CCNI: variants seen among roughly 807,000 people sequenced by gnomAD.
CCNI encodes cyclin I.
CCNI carries 14 observed loss-of-function variants against 34.1 expected under a neutral mutation model. The observed-to-expected ratio is 0.41, with a 90% CI of 0.27 to 0.64. The LOEUF (loss-of-function observed/expected upper bound fraction) is 0.64. CCNI is among the 30% of genes least tolerant of loss of function. The pLI is 0.31. For missense variants in CCNI, 385 were observed against 440.5 expected, an observed-to-expected ratio of 0.87 and a Z score of 1.13; for synonymous variants, 154 against 158.4, an observed-to-expected ratio of 0.97 and a Z score of 0.21.
chr4:77,075,419 C>A, intron 1 of CCNI, 53 bp downstream of exon 1: 3 of 807,636 alleles, frequency 3.7e-6, no homozygotes, highest in Non-Finnish European at 4.5e-6. Context: ...CCCAGCGCGT[C>A]GACGCCGGCC....
intron 1 of CCNI, among the ~76,000 whole-genome samples, chr4:77,071,510 G>C (rs1439096998): frequency 6.6e-6 from 1 of 152,126 alleles, no homozygotes; most frequent in Non-Finnish European, 1.5e-5. Flanking sequence ...TATTAGAATG[G>C]AAATTAATGA....
chr4:77,049,819 T>C (rs1727709891), intron 6 of CCNI, among the ~76,000 whole-genome samples: 1 of 152,222 alleles, frequency 6.6e-6, no homozygotes, highest in African/African-American at 2.4e-5. Flanking sequence ...CATCTTTTTA[T>C]CCCTAAGTTT....
intron 3 of CCNI, among the ~76,000 whole-genome samples, chr4:77,057,366 T>G (rs1728316378): frequency 1.3e-5 from 2 of 152,226 alleles, no homozygotes; most frequent in African/African-American, 4.8e-5. Context: ...AATTAGAGAA[T>G]TTTGCCAAAT....
At chr4:77,070,565 T>C (rs947164308) in intron 1 of CCNI, among the ~76,000 whole-genome samples, 1 of 151,834 alleles carries the variant, frequency 6.6e-6, no homozygotes, top group African/African-American at 2.4e-5. Context: ...TTATATTCTA[T>C]CCCTGTTGCA....
chr4:77,053,401 A>G (rs1376538668), intron 6 of CCNI, among the ~76,000 whole-genome samples: 1 of 152,208 alleles, frequency 6.6e-6, no homozygotes, highest in Non-Finnish European at 1.5e-5. Flanking sequence ...ACTTCTCCAA[A>G]GATTCTGTCA....
intron 6 of CCNI, among the ~76,000 whole-genome samples, chr4:77,054,048 T>TC (rs1028089724): frequency 6.6e-6 from 1 of 152,104 alleles, no homozygotes; most frequent in Non-Finnish European, 1.5e-5. Context: ...AAGACTGAGC[T>TC]CCCCTCTGCT....
intron 1 of CCNI, among the ~76,000 whole-genome samples, chr4:77,071,590 T>C (rs1023047160): frequency 1.3e-5 from 2 of 152,132 alleles, no homozygotes; most frequent in African/African-American, 4.8e-5. Flanking sequence ...AAGATCAAAA[T>C]GGACAAACCT....
intron 1 of CCNI, among the ~76,000 whole-genome samples, chr4:77,067,259 T>A (rs919918771): frequency 4.7e-5 from 7 of 149,534 alleles, no homozygotes; most frequent in Non-Finnish European, 1.0e-4. Context: ...AAAAAAAAAA[T>A]GTATTTCTTC....
chr4:77,062,342 A>G (rs1728672824), intron 2 of CCNI, among the ~76,000 whole-genome samples: 1 of 152,212 alleles, frequency 6.6e-6, no homozygotes, highest in African/African-American at 2.4e-5. Flanking sequence ...CAAGGCAGGA[A>G]AACTGCTTGA....
At chr4:77,057,803 C>T (rs1006612640) in intron 3 of CCNI, among the ~76,000 whole-genome samples, 2 of 152,130 alleles carry the variant, frequency 1.3e-5, no homozygotes, top group Non-Finnish European at 2.9e-5. Context: ...TTCAGAAAGC[C>T]ACACAGTATG....
At chr4:77,058,415 T>C in intron 3 of CCNI, 92 bp downstream of exon 3, 1 of 997,334 alleles carries the variant, frequency 1.0e-6, no homozygotes, top group African/African-American at 1.6e-5. Context: ...TCTCCACTTC[T>C]TTCTACCTTA....
chr4:77,065,642 A>G (rs1048401762), intron 2 of CCNI, among the ~76,000 whole-genome samples: 13 of 152,244 alleles, frequency 8.5e-5, no homozygotes, highest in African/African-American at 1.4e-4. Context: ...TATAAACTAT[A>G]TATCTAAAGA....
At chr4:77,053,742 T>C (rs986761371) in intron 6 of CCNI, among the ~76,000 whole-genome samples, 3 of 152,206 alleles carry the variant, frequency 2.0e-5, no homozygotes, top group Non-Finnish European at 4.4e-5. Context: ...CTATTAAGCC[T>C]ATTCCTCTAC....
rs1415944686 is a variant in CCNI at position 77,075,904 on chromosome 4, AAAAG to A, written c.-480_-477del. The A allele has an allele frequency of 1.3e-5, 2 of 151,354 alleles. No homozygotes were observed. Among genetic ancestry groups the A allele is most frequent in the East Asian group, 3.9e-4 (2 of 5,132 alleles). The allele number at this position is 151,354 out of a possible 1,614,324, so 9.4% of individuals were successfully genotyped here. Reference sequence around the variant, plus strand: ...GGGGAGAAAAGAAAAGAAAAAAAAAAAAAGAAAGGGGAAAGGGGGGAAAAATAAG... The same window carrying A: ...GGGGAGAAAAGAAAAGAAAAAAAAAAAAAGGGGAAAGGGGGGAAAAATAAG... On this transcript the variant is annotated 5_prime_UTR_variant, in exon 1 of 7. Transcript: ENST00000237654.
intron 2 of CCNI, among the ~76,000 whole-genome samples, chr4:77,066,004 G>A (rs181728445): frequency 5.9e-5 from 9 of 152,312 alleles, no homozygotes; most frequent in African/African-American, 2.2e-4. Flanking sequence ...AGGAGGCTGA[G>A]GTGAGAGGAT....
intron 3 of CCNI, among the ~76,000 whole-genome samples, chr4:77,057,493 C>T (rs1578239786): frequency 6.6e-6 from 1 of 152,320 alleles, no homozygotes; most frequent in Middle Eastern, 3.4e-3. Context: ...GGCTTCTATT[C>T]TGTATACCTA....
Position 77,055,163 on chromosome 4 carries a change from A to G in CCNI, c.677T>C (p.Leu226Pro). The change falls in exon 6 of 7, where the codon CTT becomes CCT. Residue 226 changes from leucine to proline, a missense_variant. This residue lies in a region of CCNI where 250 missense variants were observed against 248.7 expected (regional missense o/e 1.01). Coordinates refer to ENST00000237654, the MANE Select transcript of CCNI (RefSeq NM_006835.3). ...ACTGACACCTACCTGTGCTTTCTGA[A>G]GCAGTTCAATTGTAAGAGAAAGCCA... ...PDWLSLTIEL[L>P]QKAQMDSSQL... 2 of 1,610,178 alleles carry G rather than the reference A, an allele frequency of 1.2e-6. No individual in the cohort carries two copies. Among genetic ancestry groups the G allele is most frequent in the Non-Finnish European group, 1.7e-6 (2 of 1,176,374 alleles).
At chr4:77,072,932 T>C (rs963180195) in intron 1 of CCNI, among the ~76,000 whole-genome samples, 2 of 152,198 alleles carry the variant, frequency 1.3e-5, no homozygotes, top group Non-Finnish European at 2.9e-5. Flanking sequence ...AGACATACTA[T>C]GATACAGAAA....
chr4:77,065,372 T>C (rs1728955144), intron 2 of CCNI, among the ~76,000 whole-genome samples: 1 of 152,236 alleles, frequency 6.6e-6, no homozygotes, highest in Admixed American at 6.5e-5. Context: ...TAAGACATCT[T>C]ATACAATAAA....
Sources: allele counts gnomAD v4.1 joint callset (sites outside exome capture counted in the v4.1 genomes callset), GRCh38; gene constraint gnomAD v4.1.1; regional missense constraint gnomAD v4.1.1; transcripts MANE v1.5; gene names NCBI Gene and HGNC (gene_info 2026-07-23, HGNC 2026-07-21).